MYPN: variants seen among roughly 807,000 people sequenced by gnomAD.
The protein encoded by MYPN is myopalladin.
Under a neutral mutation model 129.4 loss-of-function variants are expected in MYPN, and 63 were observed. The ratio of observed to expected loss-of-function variants is 0.49; its 90% confidence interval spans 0.40 to 0.60. The LOEUF (loss-of-function observed/expected upper bound fraction) is 0.60. MYPN is among the 20% of genes least tolerant of loss of function. The probability of loss-of-function intolerance (pLI) is 0.00; values close to 1 mark genes in which losing one functional copy is unlikely to be tolerated. For synonymous variants in MYPN, 629 were observed against 600.9 expected, an observed-to-expected ratio of 1.05 and a Z score of -0.68; for missense variants, 1,596 against 1,635.4, an observed-to-expected ratio of 0.98 and a Z score of 0.42.
intron 18 of MYPN, among the ~76,000 whole-genome samples, chr10:68,203,276 C>T (rs2043749104): frequency 6.6e-6 from 1 of 152,146 alleles, no homozygotes; most frequent in African/African-American, 2.4e-5. Context: ...GACAAGATGC[C>T]TGTCATTTTA....
chr10:68,137,022 G>C (rs570176206), intron 2 of MYPN, among the ~76,000 whole-genome samples: 1 of 152,186 alleles, frequency 6.6e-6, no homozygotes, highest in South Asian at 2.1e-4. Flanking sequence ...TTTTATGTGA[G>C]TTGTAATATT....
At chr10:68,088,737 T>A (rs903419504) in intron 1 of MYPN, among the ~76,000 whole-genome samples, 13 of 152,124 alleles carry the variant, frequency 8.5e-5, no homozygotes, top group African/African-American at 2.2e-4. Context: ...TTCAGAACTT[T>A]AAAAAAATAA....
chr10:68,159,533 G>A (rs1029361669), intron 7 of MYPN, among the ~76,000 whole-genome samples: 3 of 152,034 alleles, frequency 2.0e-5, no homozygotes, highest in Non-Finnish European at 4.4e-5. Flanking sequence ...TTTATTGTAA[G>A]AATTATTTAG....
Position 68,148,289 on chromosome 10 carries a change from C to T in MYPN, c.1131-64C>T, listed in dbSNP as rs2134089067. Reference sequence around the variant, plus strand: ...AGCAGTGATGCCATTACTAGTTTTCCTAAAATAATTTTCACAAAGAGTGAT... The same window carrying T: ...AGCAGTGATGCCATTACTAGTTTTCTTAAAATAATTTTCACAAAGAGTGAT... On this transcript the variant is annotated intron_variant, in intron 4 of 19. Coordinates refer to ENST00000358913, the MANE Select transcript of MYPN (RefSeq NM_032578.4). The T allele has an allele frequency of 2.7e-5, 36 of 1,333,874 alleles. No individual in the cohort carries two copies. In the South Asian group the frequency reaches 4.3e-4, roughly 16 times the overall value. 82.6% of individuals were successfully genotyped at this position (1,333,874 alleles called of 1,614,324 possible).
Position 68,196,849 on chromosome 10 carries a change from G to A in MYPN, c.3159-503G>A, listed in dbSNP as rs541863409. Reference sequence around the variant, plus strand: ...TCCTTTTTTAAGAACAGCTGTTACCGTTGGTCAGTCTTATCCAGTTTAAGT... The same window carrying A: ...TCCTTTTTTAAGAACAGCTGTTACCATTGGTCAGTCTTATCCAGTTTAAGT... On this transcript the variant is annotated intron_variant, in intron 15 of 19. Coordinates refer to ENST00000358913, the MANE Select transcript of MYPN (RefSeq NM_032578.4). 7.9e-5 allele frequency among the ~76,000 whole-genome samples: 12 copies of A among 151,908 alleles called. No homozygotes were observed. In the East Asian group the frequency reaches 1.2e-3, roughly 15 times the overall value.
chr10:68,123,165 A>G (rs146792874), intron 2 of MYPN, among the ~76,000 whole-genome samples: 6,530 of 151,394 alleles, frequency 0.043, 474 homozygotes, highest in African/African-American at 0.15. Flanking sequence ...ACTTGAGGTC[A>G]GGAGTTCAAG....
chr10:68,209,187 C>T (rs1433978486), intron 19 of MYPN, among the ~76,000 whole-genome samples: 1 of 152,166 alleles, frequency 6.6e-6, no homozygotes, highest in African/African-American at 2.4e-5. Flanking sequence ...TCCCCAGAAA[C>T]CTAATCAGAA....
chr10:68,196,992 C>G (rs964269177), intron 15 of MYPN, among the ~76,000 whole-genome samples: 1 of 152,138 alleles, frequency 6.6e-6, no homozygotes, highest in Non-Finnish European at 1.5e-5. Flanking sequence ...TCTTTTGGCT[C>G]TCGTTTGAGG....
chr10:68,127,243 G>A (rs2042339371), intron 2 of MYPN, among the ~76,000 whole-genome samples: 1 of 149,840 alleles, frequency 6.7e-6, no homozygotes. Flanking sequence ...GACCTCAGGT[G>A]ATCCACCTCC....
At chr10:68,187,104 G>T (rs1589601121) in intron 12 of MYPN, among the ~76,000 whole-genome samples, 1 of 152,234 alleles carries the variant, frequency 6.6e-6, no homozygotes, top group African/African-American at 2.4e-5. Context: ...GGGCATGGTG[G>T]CTCACACCTG....
In MYPN at chr10:68,211,472, A is replaced by C. The variant is rs1300947872; in HGVS notation, c.*1017A>C. 10 of 453,942 alleles carry C rather than the reference A, an allele frequency of 2.2e-5. No individual in the cohort carries two copies. Among genetic ancestry groups the C allele is most frequent in the Non-Finnish European group, 3.5e-5 (8 of 226,786 alleles). 28.1% of individuals were successfully genotyped at this position (453,942 alleles called of 1,614,324 possible). A position where few individuals can be genotyped will look rare whatever the true frequency, so the allele number is the denominator to read the frequency against. On this transcript the variant is annotated 3_prime_UTR_variant, in exon 20 of 20. Transcript: ENST00000358913. ...GGGGTTTTGGAAGGAGAGGTCTTTA[A>C]TAGCTTTGAAATGCTTTGAGATCAT...
In MYPN at chr10:68,143,004, C is replaced by A. The variant is rs1409393204; in HGVS notation, c.967C>A (p.Leu323Met). ...PDIHIVQAGN[L>M]HSLTIAEAFE... ...TATTCACATCGTCCAGGCAGGAAAT[C>A]TGCACTCACTGACCATTGCGGAAGC... Residue 323 changes from leucine to methionine, a missense_variant, in exon 3 of 20, where the codon CTG becomes ATG. Leu to Met is a conservative substitution (Grantham distance 15). Transcript: ENST00000358913. The A allele has an allele frequency of 1.2e-6, 2 of 1,614,028 alleles. No homozygotes were observed. Among genetic ancestry groups the A allele is most frequent in the African/African-American group, 2.7e-5 (2 of 74,938 alleles).
intron 2 of MYPN, among the ~76,000 whole-genome samples, chr10:68,124,256 A>G (rs2042293660): frequency 6.6e-6 from 1 of 152,228 alleles, no homozygotes; most frequent in Non-Finnish European, 1.5e-5. Flanking sequence ...ATGGAATAAC[A>G]TGTGAAAAAT....
intron 16 of MYPN, among the ~76,000 whole-genome samples, chr10:68,198,274 A>G (rs1435628260): frequency 6.6e-6 from 1 of 152,244 alleles, no homozygotes; most frequent in East Asian, 1.9e-4. Flanking sequence ...TTGAAAATTT[A>G]TAGACATGAA....
At position 68,166,625 on chromosome 10, in the gene MYPN, C is replaced by T. The variant is rs187664226; in HGVS notation, c.1932C>T (p.Ser644=). Residue 644 remains serine, a synonymous_variant, in exon 10 of 20, where the codon TCC becomes TCT. Transcript: ENST00000358913. The stretch of plus-strand genomic sequence containing the variant: ...CAACAAAAACCCCAGAGCCTTCTTC[C>T]CCCGTGAAAGAGCCCCCTCCAGTTC... ...GQATKTPEPS[S]PVKEPPPVLA... is the part of the protein sequence containing the mutation. 10 of 1,614,068 alleles carry T rather than the reference C, an allele frequency of 6.2e-6. No homozygotes were observed. Among genetic ancestry groups the T allele is most frequent in the Middle Eastern group, 3.3e-4 (2 of 6,062 alleles).
chr10:68,106,893 T>A, upstream of MYPN: 1 of 697,546 alleles, frequency 1.4e-6, no homozygotes, highest in Non-Finnish European at 2.6e-6. Flanking sequence ...GAAACACATG[T>A]GTTGGATGAG....
intron 10 of MYPN, among the ~76,000 whole-genome samples, chr10:68,168,474 C>T (rs1238837448): frequency 6.6e-6 from 1 of 152,132 alleles, no homozygotes; most frequent in Admixed American, 6.5e-5. Flanking sequence ...TGAGTGACTG[C>T]GGCCCAGGGA....
intron 1 of MYPN, among the ~76,000 whole-genome samples, chr10:68,094,395 G>C (rs1188779620): frequency 4.4e-5 from 1 of 22,788 alleles, no homozygotes; most frequent in Non-Finnish European, 8.5e-5. Context: ...CTCCTGAGTA[G>C]CTGGGACTAC....
chr10:68,192,278 C>A (rs10998007), intron 13 of MYPN, among the ~76,000 whole-genome samples: 11,801 of 152,086 alleles, frequency 0.078, 677 homozygotes, highest in Admixed American at 0.11. Flanking sequence ...GTCTTTGATT[C>A]TGTTTATGGG....
Sources: gnomAD v4.1 joint callset for allele counts (sites outside exome capture counted in the v4.1 genomes callset) on GRCh38, gnomAD v4.1.1 for gene constraint, MANE v1.5 for transcripts, NCBI Gene and HGNC (gene_info 2026-07-23, HGNC 2026-07-21) for gene names.